PTPRB: variants seen among roughly 807,000 people sequenced by gnomAD.
PTPRB encodes the protein receptor-type tyrosine-protein phosphatase beta.
A neutral mutation model predicts 238.1 loss-of-function variants in PTPRB; 97 were observed. That is an observed-to-expected ratio of 0.41 (90% CI 0.35 to 0.48). The LOEUF is 0.48. PTPRB is among the 20% of genes least tolerant of loss of function. PTPRB has a pLI of 0.30. For synonymous variants in PTPRB, 970 were observed against 995.4 expected, an observed-to-expected ratio of 0.97 and a Z score of 0.48; for missense variants, 2,292 against 2,681.9, an observed-to-expected ratio of 0.85 and a Z score of 3.21.
intron 27 of PTPRB, 113 bp downstream of exon 27, chr12:70,538,811 G>GAGAT (rs1446299430): frequency 4.8e-6 from 4 of 830,222 alleles, no homozygotes; most frequent in African/African-American, 1.7e-5. Flanking sequence ...TTCAGAGCTT[G>GAGAT]AGATTGTCCA....
intron 28 of PTPRB, among the ~76,000 whole-genome samples, chr12:70,537,596 A>G (rs568694115): frequency 6.6e-6 from 1 of 152,336 alleles, no homozygotes; most frequent in East Asian, 1.9e-4. Flanking sequence ...TATTATCATC[A>G]GTTTTTGGAA....
At position 70,551,308 on chromosome 12, in the gene PTPRB, T is replaced by C. The variant is rs1876851687; in HGVS notation, c.5387+1469A>G. On this transcript the variant is annotated intron_variant, in intron 21 of 33. Transcript: ENST00000334414. ...TTAGGTAGGCTTGTATGGTCTCTTTTTGAAGTAAGTATGACTAAAAAGTTT... is the reference window on the plus strand; with the variant it reads ...TTAGGTAGGCTTGTATGGTCTCTTTCTGAAGTAAGTATGACTAAAAAGTTT... Among the ~76,000 whole-genome samples the C allele has an allele frequency of 2.0e-5, 3 of 152,216 alleles. 1 individual carries two copies. The highest frequency in any genetic ancestry group is 2.0e-4 in the Admixed American group (3 of 15,286).
At chr12:70,556,279 C>T in intron 18 of PTPRB, 131 bp from the exon 19 acceptor site, 2 of 831,366 alleles carry the variant, frequency 2.4e-6, no homozygotes, top group South Asian at 3.7e-5. Context: ...AGTGTCGTGG[C>T]TCACCCTAGC....
At chr12:70,598,361 T>C (rs1246226202) in intron 4 of PTPRB, among the ~76,000 whole-genome samples, 1 of 152,236 alleles carries the variant, frequency 6.6e-6, no homozygotes, top group African/African-American at 2.4e-5. Flanking sequence ...TTAGCTGTTA[T>C]TATTTTTATT....
intron 3 of PTPRB, among the ~76,000 whole-genome samples, chr12:70,618,846 T>G (rs1029084735): frequency 6.6e-6 from 1 of 152,176 alleles, no homozygotes; most frequent in Admixed American, 6.5e-5. Flanking sequence ...CTATGATATG[T>G]GTTAATTCAT....
rs1877122123 is a variant in PTPRB, at chr12:70,552,969, T to G, written c.5195A>C (p.Glu1732Ala). 6.2e-7 allele frequency: 1 copy of G among 1,613,744 alleles called. No individual in the cohort carries two copies. Among genetic ancestry groups the G allele is most frequent in the African/African-American group, 1.3e-5 (1 of 74,930 alleles). Reference sequence around the variant, plus strand: ...CCGAATGGAGGCATTGTGCCTGTACTCCAGGTAGGAAGGGAGAGGGTGCTG... The same window carrying G: ...CCGAATGGAGGCATTGTGCCTGTACGCCAGGTAGGAAGGGAGAGGGTGCTG... ...EQQHPLPSYLEYRHNASIRVY... is the reference protein window; with the variant it reads ...EQQHPLPSYLAYRHNASIRVY... Residue 1732 changes from glutamate to alanine, a missense_variant, in exon 21 of 34, where the codon GAG becomes GCG. Physicochemically the swap from Glu to Ala is moderately radical, Grantham distance 107. This residue lies in a region of PTPRB where 683 missense variants were observed against 862.0 expected (regional missense o/e 0.79). Transcript: ENST00000334414.
intron 12 of PTPRB, 73 bp downstream of exon 12, chr12:70,571,751 T>C: frequency 6.6e-7 from 1 of 1,507,556 alleles, no homozygotes; most frequent in East Asian, 2.3e-5. Flanking sequence ...GCAGAAAAAA[T>C]TCAAGGTTCA....
In PTPRB at chr12:70,520,174, C is replaced by CAA. The variant is rs1871515161; in HGVS notation, c.*1313_*1314dup. 2.1e-6 allele frequency: 1 copy of CAA among 471,606 alleles called. No homozygotes were observed. Among genetic ancestry groups the CAA allele is most frequent in the Non-Finnish European group, 4.3e-6 (1 of 234,196 alleles). The allele number at this position is 471,606 out of a possible 1,614,324, so 29.2% of individuals were successfully genotyped here. On this transcript the variant is annotated 3_prime_UTR_variant, in exon 34 of 34. Coordinates refer to ENST00000334414, the MANE Select transcript of PTPRB (RefSeq NM_001109754.4). The stretch of plus-strand genomic sequence containing the variant: ...CTCAGGTATCTATGAAGATTCCGTA[C>CAA]AAACTCCTTTCAAATTTTTCCCAGG...
intron 10 of PTPRB, among the ~76,000 whole-genome samples, chr12:70,579,048 G>T (rs1881088498): frequency 6.6e-6 from 1 of 152,126 alleles, no homozygotes; most frequent in African/African-American, 2.4e-5. Flanking sequence ...CCAACCAATA[G>T]AGGCATCCAA....
chr12:70,608,138 C>G (rs1319603622), intron 4 of PTPRB, among the ~76,000 whole-genome samples: 1 of 152,128 alleles, frequency 6.6e-6, no homozygotes, highest in Non-Finnish European at 1.5e-5. Context: ...TGAAAGAATA[C>G]TAAGGGCAAC....
chr12:70,534,676 AAG>A, intron 30 of PTPRB, 25 bp from the exon 31 acceptor site: 1 of 1,608,976 alleles, frequency 6.2e-7, no homozygotes, highest in Non-Finnish European at 8.5e-7. Context: ...AGCAGGATAA[AAG>A]AGGAACTGTC....
intron 14 of PTPRB, among the ~76,000 whole-genome samples, chr12:70,567,547 C>G (rs1026794850): frequency 6.6e-6 from 1 of 152,208 alleles, no homozygotes; most frequent in African/African-American, 2.4e-5. Flanking sequence ...AATCTTCTAT[C>G]TCTTGAATCT....
At chr12:70,585,783 C>T (rs892318396) in intron 9 of PTPRB, among the ~76,000 whole-genome samples, 19 of 151,880 alleles carry the variant, frequency 1.3e-4, no homozygotes, top group Admixed American at 1.2e-3. Context: ...TCTCCTAATG[C>T]TATCCCTCCC....
intron 13 of PTPRB, among the ~76,000 whole-genome samples, chr12:70,570,237 C>T (rs1295826687): frequency 6.6e-6 from 1 of 152,180 alleles, no homozygotes; most frequent in African/African-American, 2.4e-5. Context: ...TGTGGGACTA[C>T]AGGCAAATTA....
rs925084256 is a variant in PTPRB at position 70,636,004 on chromosome 12, C to T, written c.118G>A (p.Val40Met). 5.6e-6 allele frequency: 9 copies of T among 1,613,500 alleles called. No homozygotes were observed. Among genetic ancestry groups the T allele is most frequent in the East Asian group, 4.5e-5 (2 of 44,842 alleles). Reference protein sequence around the residue: ...QCLFKNEKVVVGSCNRTIQNQ... With the variant: ...QCLFKNEKVVMGSCNRTIQNQ... ...TGGATGGTCCTGTTGCATGAGCCCACGACCACTTTCTCATTTTTGAAAAGA... is the reference window on the plus strand; with the variant it reads ...TGGATGGTCCTGTTGCATGAGCCCATGACCACTTTCTCATTTTTGAAAAGA... Residue 40 changes from valine (V) to methionine (M), a missense_variant, in exon 2 of 34, where the codon GTG (valine) becomes ATG (methionine). By Grantham distance (21) the Val-to-Met change is conservative (BLOSUM62 1). Coordinates refer to ENST00000334414, the MANE Select transcript of PTPRB (RefSeq NM_001109754.4).
At position 70,544,587 on chromosome 12, in the gene PTPRB, A is replaced by G. The variant is rs1358346412; in HGVS notation, c.5464T>C (p.Phe1822Leu). ...EFTKPLYSDT[F>L]FSLPITTESE... Reference sequence around the variant, plus strand: ...TCAGTAGTGATGGGTAAAGAAAAAAATGTGTCTGAATAGAGTGGCTTTGTG... The same window carrying G: ...TCAGTAGTGATGGGTAAAGAAAAAAGTGTGTCTGAATAGAGTGGCTTTGTG... Residue 1822 changes from phenylalanine to leucine, a missense_variant, in exon 22 of 34, where the codon TTT becomes CTT. Coordinates refer to ENST00000334414, the MANE Select transcript of PTPRB (RefSeq NM_001109754.4). 6.2e-7 allele frequency: 1 copy of G among 1,612,326 alleles called. No individual in the cohort carries two copies. The highest frequency in any genetic ancestry group is 8.5e-7 in the Non-Finnish European group (1 of 1,179,274).
intron 22 of PTPRB, among the ~76,000 whole-genome samples, chr12:70,544,084 A>G (rs1682047328): frequency 6.6e-6 from 1 of 152,240 alleles, no homozygotes; most frequent in African/African-American, 2.4e-5. Context: ...TTAGTACTAC[A>G]AAGTCAACAC....
At chr12:70,550,995 A>G (rs1876794795) in intron 21 of PTPRB, among the ~76,000 whole-genome samples, 1 of 152,082 alleles carries the variant, frequency 6.6e-6, no homozygotes, top group African/African-American at 2.4e-5. Context: ...TCTAGGGTTC[A>G]AGCAATTCTC....
intron 8 of PTPRB, 35 bp from the exon 9 acceptor site, chr12:70,587,302 G>A (rs1882021429): frequency 1.2e-6 from 2 of 1,607,662 alleles, no homozygotes; most frequent in Non-Finnish European, 8.5e-7. Flanking sequence ...GTCATTGATG[G>A]ACTGAGGCAT....
Sources: allele counts gnomAD v4.1 joint callset (sites outside exome capture counted in the v4.1 genomes callset), GRCh38; gene constraint gnomAD v4.1.1; regional missense constraint gnomAD v4.1.1; transcripts MANE v1.5; gene names NCBI Gene and HGNC (gene_info 2026-07-23, HGNC 2026-07-21).